ERBB4: variants seen among roughly 807,000 people sequenced by gnomAD.
The protein encoded by ERBB4 is erb-b2 receptor tyrosine kinase 4.
In ERBB4, 42 loss-of-function variants were observed where a neutral mutation model predicts 158.0. The ratio of observed to expected loss-of-function variants is 0.27; its 90% confidence interval spans 0.21 to 0.34. ERBB4 has a LOEUF of 0.34. Ranked by LOEUF, ERBB4 falls within the 10% of genes least tolerant of loss-of-function variation. The probability of loss-of-function intolerance (pLI) is 1.00; values close to 1 mark genes in which losing one functional copy is unlikely to be tolerated. For missense variants in ERBB4, 1,333 were observed against 1,624.1 expected (o/e 0.82, Z 3.08); for synonymous variants, 583 against 558.7 (o/e 1.04, Z -0.61).
intron 16 of ERBB4, among the ~76,000 whole-genome samples, chr2:211,641,487 A>G (rs1426637441): frequency 6.6e-6 from 1 of 152,174 alleles, no homozygotes; most frequent in African/African-American, 2.4e-5. Flanking sequence ...TGCTAGAGCC[A>G]GATGCCTTAG....
At chr2:211,858,352 C>T (rs549147252) in intron 3 of ERBB4, among the ~76,000 whole-genome samples, 6 of 152,270 alleles carry the variant, frequency 3.9e-5, no homozygotes, top group African/African-American at 1.4e-4. Context: ...TTGCTTTGAT[C>T]CTCCAATGTT....
chr2:212,373,803 A>G lies in ERBB4; in HGVS notation c.82+164646T>C, dbSNP rs62184093. The stretch of plus-strand genomic sequence containing the variant: ...TATATATCCACGTATATATATCCAT[A>G]TATATATCCATGTATATATCCATAT... On this transcript the variant is annotated intron_variant, in intron 1 of 27. Coordinates refer to ENST00000342788, the MANE Select transcript of ERBB4 (RefSeq NM_005235.3). Among the ~76,000 whole-genome samples the G allele has an allele frequency of 3.8e-4, 38 of 99,396 alleles. 1 individual carries two copies. Among genetic ancestry groups the G allele is most frequent in the South Asian group, 1.1e-3 (3 of 2,714 alleles). The allele number at this position is 99,396 out of a possible 152,430, so 65.2% of individuals were successfully genotyped here.
chr2:211,840,802 A>C (rs535641110), intron 3 of ERBB4, among the ~76,000 whole-genome samples: 1 of 152,254 alleles, frequency 6.6e-6, no homozygotes, highest in East Asian at 1.9e-4. Flanking sequence ...TGCTTGAAAT[A>C]TTATCTAATA....
intron 20 of ERBB4, among the ~76,000 whole-genome samples, chr2:211,441,842 C>G (rs1169345345): frequency 6.6e-6 from 1 of 152,082 alleles, no homozygotes; most frequent in Non-Finnish European, 1.5e-5. Flanking sequence ...TCCCTAGTAA[C>G]AAACAAACAG....
chr2:211,944,193 A>AGTGTATG (rs765902597), intron 3 of ERBB4, among the ~76,000 whole-genome samples: 2 of 64,574 alleles, frequency 3.1e-5, no homozygotes, highest in South Asian at 6.9e-4. Context: ...ATATATATAT[A>AGTGTATG]TATATACTAT....
intron 1 of ERBB4, among the ~76,000 whole-genome samples, chr2:212,465,083 G>A (rs966094791): frequency 8.6e-5 from 13 of 152,042 alleles, no homozygotes; most frequent in Non-Finnish European, 1.5e-4. Context: ...AAAGTGAAGC[G>A]GACAGAATTA....
chr2:212,247,154 T>C (rs2084338783), intron 1 of ERBB4, among the ~76,000 whole-genome samples: 2 of 152,202 alleles, frequency 1.3e-5, no homozygotes. Context: ...AATTATTGTG[T>C]CATTGCTGTT....
At chr2:212,072,216 A>C (rs149379993) in intron 2 of ERBB4, among the ~76,000 whole-genome samples, 183 of 152,136 alleles carry the variant, frequency 1.2e-3, no homozygotes, top group African/African-American at 3.8e-3. Context: ...TGGATAAGTC[A>C]TCCTCACCTG....
In ERBB4 at chr2:212,090,695, A is replaced by G. The variant is rs75219924; in HGVS notation, c.234+34057T>C. Among the ~76,000 whole-genome samples the G allele has an allele frequency of 8.0e-3, 1,223 of 152,274 alleles. 6 individuals are homozygous for G. The highest frequency in any genetic ancestry group is 0.011 in the Non-Finnish European group (717 of 68,024). ...GCACAGGCCATACTTCCAGATTCCA[A>G]TTTAATTCTTCCAAGTCTGTCCACT... On this transcript the variant is annotated intron_variant, in intron 2 of 27. Transcript: ENST00000342788.
intron 5 of ERBB4, among the ~76,000 whole-genome samples, chr2:211,748,213 A>C (rs1186089109): frequency 6.6e-6 from 1 of 152,036 alleles, no homozygotes; most frequent in Non-Finnish European, 1.5e-5. Context: ...AATCTGTAAA[A>C]ATACACATAA....
At chr2:212,432,636 C>T (rs562433945) in intron 1 of ERBB4, among the ~76,000 whole-genome samples, 1 of 152,226 alleles carries the variant, frequency 6.6e-6, no homozygotes, top group East Asian at 1.9e-4. Context: ...GTTATATTAG[C>T]TCACTGCAAA....
intron 2 of ERBB4, among the ~76,000 whole-genome samples, chr2:211,952,923 ATC>A (rs2080915420): frequency 6.6e-6 from 1 of 152,000 alleles, no homozygotes; most frequent in African/African-American, 2.4e-5. Flanking sequence ...GTTGCTTTTA[ATC>A]TCTCTGTTAT....
chr2:211,492,884 G>A lies in ERBB4; in HGVS notation c.2488-61784C>T, dbSNP rs554346822. On this transcript the variant is annotated intron_variant, in intron 20 of 27. Transcript: ENST00000342788. Reference sequence around the variant, plus strand: ...GTTCTGATCCTTGTTTCCTAAGGATGATCAAGTCACTAAGTTCGACTTTCC... The same window carrying A: ...GTTCTGATCCTTGTTTCCTAAGGATAATCAAGTCACTAAGTTCGACTTTCC... Among the ~76,000 whole-genome samples the A allele has an allele frequency of 3.2e-4, 48 of 152,240 alleles. 3 individuals carry two copies. The highest frequency in any genetic ancestry group is 1.1e-3 in the African/African-American group (47 of 41,572).
intron 1 of ERBB4, among the ~76,000 whole-genome samples, chr2:212,329,834 G>T (rs1574697098): frequency 6.6e-6 from 1 of 152,072 alleles, no homozygotes; most frequent in African/African-American, 2.4e-5. Flanking sequence ...TTCCTGAAGT[G>T]CCTCCAATCC....
chr2:212,433,173 T>C (rs998551375), intron 1 of ERBB4, among the ~76,000 whole-genome samples: 2 of 152,074 alleles, frequency 1.3e-5, no homozygotes, highest in African/African-American at 4.8e-5. Flanking sequence ...AAATACTTCA[T>C]TTGTAGATAG....
At chr2:211,757,282 A>G (rs2075306889) in intron 4 of ERBB4, among the ~76,000 whole-genome samples, 1 of 152,228 alleles carries the variant, frequency 6.6e-6, no homozygotes, top group Admixed American at 6.5e-5. Context: ...TTTAACTTTC[A>G]TACATCTTGA....
chr2:212,475,227 G>T (rs544781250), intron 1 of ERBB4, among the ~76,000 whole-genome samples: 1 of 152,258 alleles, frequency 6.6e-6, no homozygotes, highest in South Asian at 2.1e-4. Context: ...AGAGTCCCTT[G>T]CTTGGAAGGG....
rs139889752 is a variant in ERBB4 at position 211,501,055 on chromosome 2, T to C, written c.2487+60848A>G. Among the ~76,000 whole-genome samples, 470 of 152,112 alleles carry C rather than the reference T, an allele frequency of 3.1e-3. 4 individuals are homozygous for C. Among genetic ancestry groups the C allele is most frequent in the African/African-American group, 0.011 (442 of 41,558 alleles). On this transcript the variant is annotated intron_variant, in intron 20 of 27. Coordinates refer to ENST00000342788, the MANE Select transcript of ERBB4 (RefSeq NM_005235.3). ...TTATGTGCAATTCCATTAAGAACAT[T>C]ACCTAGTTAATTTACAAGAGGCTGA...
At chr2:211,972,196 G>C (rs188886735) in intron 2 of ERBB4, among the ~76,000 whole-genome samples, 1 of 151,778 alleles carries the variant, frequency 6.6e-6, no homozygotes, top group Non-Finnish European at 1.5e-5. Flanking sequence ...CAGCTGACTA[G>C]GTAGGTGGAA....
Sources: allele counts gnomAD v4.1 joint callset (sites outside exome capture counted in the v4.1 genomes callset), GRCh38; gene constraint gnomAD v4.1.1; transcripts MANE v1.5; gene names NCBI Gene and HGNC (gene_info 2026-07-23, HGNC 2026-07-21).